The following PARN variants were observed in gnomAD, a reference collection of about 807,000 sequenced individuals.
PARN encodes poly(A)-specific ribonuclease PARN.
A neutral mutation model predicts 102.8 loss-of-function variants in PARN; 71 were observed. That is an observed-to-expected ratio of 0.69 (90% CI 0.57 to 0.84). The LOEUF (loss-of-function observed/expected upper bound fraction) is 0.84, where lower values mean the gene tolerates loss of function less well. Among genes scored for constraint, PARN ranks in the 40% least tolerant of loss-of-function variants. The pLI is 0.00. For missense variants in PARN, 782 were observed against 760.9 expected, an observed-to-expected ratio of 1.03 and a Z score of -0.33; for synonymous variants, 261 against 252.9, an observed-to-expected ratio of 1.03 and a Z score of -0.30.
chr16:14,565,344 G>A (rs867348607), intron 18 of PARN, among the ~76,000 whole-genome samples: 4 of 149,960 alleles, frequency 2.7e-5, no homozygotes, highest in African/African-American at 4.9e-5. Flanking sequence ...CAAATAGAGC[G>A]TTACTCAACA....
rs537584734 is a variant in PARN, at chr16:14,597,485, A to G, written c.840+2419T>C. On this transcript the variant is annotated intron_variant, in intron 12 of 23. Coordinates refer to ENST00000437198, the MANE Select transcript of PARN (RefSeq NM_002582.4). ...GCCAAGGCAGGCGGATCACGAGGTC[A>G]GGAGACCGAGACCATCCTGGCTAAC... Among the ~76,000 whole-genome samples, 3 of 152,128 alleles carry G rather than the reference A, an allele frequency of 2.0e-5. No individual in the cohort carries two copies. In the East Asian group the frequency reaches 5.9e-4, roughly 30 times the overall value.
chr16:14,465,417 C>A (rs969430510), intron 22 of PARN, among the ~76,000 whole-genome samples: 2 of 152,116 alleles, frequency 1.3e-5, no homozygotes, highest in African/African-American at 4.8e-5. Context: ...TTTAGAAAAT[C>A]ACCGACTAAA....
chr16:14,482,946 C>G, intron 21 of PARN, 119 bp from the exon 22 acceptor site: 1 of 715,754 alleles, frequency 1.4e-6, no homozygotes, highest in Non-Finnish European at 2.2e-6. Context: ...TGAGGTCTGA[C>G]CCTTGGCTCT....
intron 22 of PARN, among the ~76,000 whole-genome samples, chr16:14,464,440 AC>A (rs2151576629): frequency 1.3e-5 from 2 of 152,276 alleles, no homozygotes; most frequent in Non-Finnish European, 2.9e-5. Flanking sequence ...AGAATTCTAT[AC>A]CCAGCAAAAA....
In PARN at chr16:14,617,531, C is replaced by A. The variant is rs80113820; in HGVS notation, c.388+59G>T. On this transcript the variant is annotated intron_variant, in intron 6 of 23. Coordinates refer to ENST00000437198, the MANE Select transcript of PARN (RefSeq NM_002582.4). ...TAATTCTCAACCAAGTTCAGACTTA[C>A]TTCCCAAGGATATTTTGAAGGTTTA... 206 of 875,654 alleles carry A rather than the reference C, an allele frequency of 2.4e-4. No homozygotes were observed. The African/African-American group carries it at 3.2e-3, about 14-fold the overall frequency. 54.2% of individuals were successfully genotyped at this position (875,654 alleles called of 1,614,324 possible).
At chr16:14,562,782 G>C (rs1373880206) in intron 18 of PARN, among the ~76,000 whole-genome samples, 1 of 152,102 alleles carries the variant, frequency 6.6e-6, no homozygotes, top group African/African-American at 2.4e-5. Context: ...AACACTTGAG[G>C]GAGTAACACA....
chr16:14,591,045 C>G (rs1458633157), intron 13 of PARN, among the ~76,000 whole-genome samples: 2 of 151,124 alleles, frequency 1.3e-5, no homozygotes, highest in Non-Finnish European at 3.0e-5. Context: ...AGCCCAGCAC[C>G]CTGAGATCAG....
intron 21 of PARN, among the ~76,000 whole-genome samples, chr16:14,550,541 C>T (rs1349844089): frequency 6.6e-6 from 1 of 152,180 alleles, no homozygotes; most frequent in Non-Finnish European, 1.5e-5. Flanking sequence ...TTAAGTGATG[C>T]TGCAGTATGA....
chr16:14,519,887 T>C (rs1256092275), intron 21 of PARN, among the ~76,000 whole-genome samples: 1 of 152,168 alleles, frequency 6.6e-6, no homozygotes, highest in African/African-American at 2.4e-5. Flanking sequence ...AGTATCACCA[T>C]ATTGCAGTCT....
intron 19 of PARN, among the ~76,000 whole-genome samples, chr16:14,555,062 A>G (rs1967581128): frequency 6.6e-6 from 1 of 152,212 alleles, no homozygotes; most frequent in East Asian, 1.9e-4. Flanking sequence ...TGTGGAGGGC[A>G]ACACAACAGT....
At chr16:14,442,994 C>T (rs1961012688) in intron 23 of PARN, among the ~76,000 whole-genome samples, 1 of 152,214 alleles carries the variant, frequency 6.6e-6, no homozygotes, top group Admixed American at 6.5e-5. Context: ...TTCATTTCCT[C>T]TAAAGTCTGG....
chr16:14,541,118 T>C (rs890279237), intron 21 of PARN, among the ~76,000 whole-genome samples: 10 of 148,752 alleles, frequency 6.7e-5, no homozygotes, highest in African/African-American at 1.5e-4. Context: ...TGGCGAAACA[T>C]CTTTTTTTTT....
chr16:14,525,017 C>G (rs1035936090), intron 21 of PARN, among the ~76,000 whole-genome samples: 5 of 152,150 alleles, frequency 3.3e-5, no homozygotes, highest in Non-Finnish European at 7.3e-5. Flanking sequence ...TTAAAACAGT[C>G]TATAACAGAA....
At chr16:14,464,248 A>G (rs1962185541) in intron 22 of PARN, among the ~76,000 whole-genome samples, 1 of 152,208 alleles carries the variant, frequency 6.6e-6, no homozygotes, top group Non-Finnish European at 1.5e-5. Flanking sequence ...GGCACATCAT[A>G]ACCAAATTAC....
Position 14,455,245 on chromosome 16 carries a change from T to C in PARN, c.1671-8164A>G, listed in dbSNP as rs978023822. ...CTTCAGAGTGGTGTCCAAAGCCAAC[T>C]GCAGTTAGGATTTAGACTATATACG... is the stretch of plus-strand genomic sequence containing the variant. On this transcript the variant is annotated intron_variant, in intron 22 of 23. Transcript: ENST00000437198. Among the ~76,000 whole-genome samples the C allele has an allele frequency of 5.9e-5, 9 of 152,364 alleles. No homozygotes were observed. The East Asian group carries it at 1.2e-3, about 20-fold the overall frequency.
At chr16:14,548,178 G>A (rs1967077960) in intron 21 of PARN, among the ~76,000 whole-genome samples, 1 of 151,842 alleles carries the variant, frequency 6.6e-6, no homozygotes, top group Admixed American at 6.6e-5. Flanking sequence ...AACCTGGGAG[G>A]TGGAGGTTGC....
At position 14,466,783 on chromosome 16, in the gene PARN, C is replaced by G. The variant is rs540844312; in HGVS notation, c.1670+15855G>C. ...AAACATTCAAAGCCAGTTACCTAAA[C>G]AACAAACTTTATATCTTAACCCTGT... On this transcript the variant is annotated intron_variant, in intron 22 of 23. Transcript: ENST00000437198. Among the ~76,000 whole-genome samples, 8 of 151,920 alleles carry G rather than the reference C, an allele frequency of 5.3e-5. No individual in the cohort carries two copies. The East Asian group carries it at 1.6e-3, about 29-fold the overall frequency.
Position 14,627,090 on chromosome 16 carries a change from C to A in PARN, c.327+16G>T. On this transcript the variant is annotated intron_variant, in intron 5 of 23. Coordinates refer to ENST00000437198, the MANE Select transcript of PARN (RefSeq NM_002582.4). ...TCAGCAATTCAGAAAAGAAAAATCT[C>A]AATTATGCTACTTACCTGACAAACA... 1.4e-6 allele frequency: 2 copies of A among 1,466,938 alleles called. No homozygotes were observed. Among genetic ancestry groups the A allele is most frequent in the South Asian group, 2.3e-5 (2 of 85,238 alleles). The allele number at this position is 1,466,938 out of a possible 1,614,324, so 90.9% of individuals were successfully genotyped here.
chr16:14,581,037 T>C, intron 17 of PARN, 94 bp from the exon 18 acceptor site: 6 of 713,466 alleles, frequency 8.4e-6, no homozygotes, highest in Non-Finnish European at 1.5e-5. Flanking sequence ...AACAGCATGG[T>C]TCAACAAGTG....
Sources: gnomAD v4.1 joint callset for allele counts (sites outside exome capture counted in the v4.1 genomes callset) on GRCh38, gnomAD v4.1.1 for gene constraint, MANE v1.5 for transcripts, NCBI Gene and HGNC (gene_info 2026-07-23, HGNC 2026-07-21) for gene names.